The following CRY1 variants were observed in gnomAD, a reference collection of about 807,000 sequenced individuals.
The protein encoded by CRY1 is cryptochrome-1.
CRY1 carries 45 observed loss-of-function variants against 76.0 expected under a neutral mutation model. The ratio of observed to expected loss-of-function variants is 0.59; its 90% confidence interval spans 0.47 to 0.76. The LOEUF is 0.76. CRY1 is among the 30% of genes least tolerant of loss of function. The probability of loss-of-function intolerance (pLI) is 0.00; values close to 1 mark genes in which losing one functional copy is unlikely to be tolerated. For missense variants in CRY1, 587 were observed against 716.4 expected, an observed-to-expected ratio of 0.82 and a Z score of 2.06; for synonymous variants, 248 against 244.0, an observed-to-expected ratio of 1.02 and a Z score of -0.15.
chr12:107,064,630 T>C (rs1953089181), intron 1 of CRY1, among the ~76,000 whole-genome samples: 1 of 148,046 alleles, frequency 6.8e-6, no homozygotes, highest in Admixed American at 6.7e-5. Flanking sequence ...AAATACAGAA[T>C]AACTTAGAAA....
At chr12:107,057,676 G>A (rs1952999406) in intron 1 of CRY1, among the ~76,000 whole-genome samples, 1 of 152,010 alleles carries the variant, frequency 6.6e-6, no homozygotes. Flanking sequence ...GGCCACAGTG[G>A]ACTATCATCA....
At chr12:106,998,657 T>C (rs1952260466) in intron 7 of CRY1, among the ~76,000 whole-genome samples, 1 of 65,058 alleles carries the variant, frequency 1.5e-5, no homozygotes. Flanking sequence ...TATAAGAGAT[T>C]AAACACACAC....
At chr12:107,025,798 A>T (rs1037795700) in intron 1 of CRY1, among the ~76,000 whole-genome samples, 7 of 151,836 alleles carry the variant, frequency 4.6e-5, no homozygotes, top group Non-Finnish European at 1.0e-4. Flanking sequence ...TACAATACAC[A>T]ACAAATCATT....
In CRY1 at chr12:106,997,682, A is replaced by C. The variant is rs746480724; in HGVS notation, c.1298T>G (p.Leu433Trp). 6.2e-7 allele frequency: 1 copy of C among 1,613,842 alleles called. No homozygotes were observed. ...DPNGDYIRRY[L>W]PVLRGFPAKY... ...TGCAGGGAAGCCTCTTAGGACAGGCAAATAACGCCTTTGGGAGAAAAAAGA... is the reference window on the plus strand; with the variant it reads ...TGCAGGGAAGCCTCTTAGGACAGGCCAATAACGCCTTTGGGAGAAAAAAGA... The change falls in exon 9 of 13, where the codon TTG becomes TGG. Residue 433 changes from leucine to tryptophan, a missense_variant. Transcript: ENST00000008527.
At position 106,991,907 on chromosome 12, in the gene CRY1, T is replaced by C. The variant is rs1952184591; in HGVS notation, c.*95A>G. The C allele has an allele frequency of 6.6e-6, 1 of 152,564 alleles. No individual in the cohort carries two copies. The highest frequency in any genetic ancestry group is 1.5e-5 in the Non-Finnish European group (1 of 68,010). 9.5% of individuals were successfully genotyped at this position (152,564 alleles called of 1,614,324 possible). On this transcript the variant is annotated 3_prime_UTR_variant, in exon 13 of 13. Coordinates refer to ENST00000008527, the MANE Select transcript of CRY1 (RefSeq NM_004075.5). Reference sequence around the variant, plus strand: ...ACAACATATTTCAATATGTAACTGCTTTCCATCAATGAAGAATATTTTTAA... The same window carrying C: ...ACAACATATTTCAATATGTAACTGCCTTCCATCAATGAAGAATATTTTTAA...
At chr12:107,081,866 G>T (rs1378484167) in intron 1 of CRY1, among the ~76,000 whole-genome samples, 1 of 151,948 alleles carries the variant, frequency 6.6e-6, no homozygotes, top group Non-Finnish European at 1.5e-5. Flanking sequence ...TTACATATTT[G>T]TCCCCTTCAA....
intron 1 of CRY1, among the ~76,000 whole-genome samples, chr12:107,043,386 A>G (rs1353194086): frequency 1.3e-5 from 2 of 152,130 alleles, no homozygotes; most frequent in Non-Finnish European, 2.9e-5. Context: ...ACAGTACCTA[A>G]GCTGAAGTGG....
At chr12:106,999,102 G>A (rs1012859246) in intron 7 of CRY1, among the ~76,000 whole-genome samples, 15 of 150,336 alleles carry the variant, frequency 1.0e-4, no homozygotes, top group African/African-American at 2.7e-4. Flanking sequence ...ACAAGATGTC[G>A]TCACAAAATG....
chr12:107,027,899 T>C (rs1391270114), intron 1 of CRY1, among the ~76,000 whole-genome samples: 6 of 152,162 alleles, frequency 3.9e-5, no homozygotes, highest in Admixed American at 3.3e-4. Context: ...ATAATCCTAT[T>C]GCTGCTGAAC....
chr12:107,070,763 C>T (rs1457280724), intron 1 of CRY1, among the ~76,000 whole-genome samples: 2 of 151,202 alleles, frequency 1.3e-5, no homozygotes, highest in East Asian at 1.9e-4. Context: ...TGTAGTGGCG[C>T]GACCTTGGCT....
chr12:107,042,063 A>C (rs1348371357), intron 1 of CRY1, among the ~76,000 whole-genome samples: 1 of 152,250 alleles, frequency 6.6e-6, no homozygotes, highest in Non-Finnish European at 1.5e-5. Context: ...AATAAACAGT[A>C]ATAGCAGTAC....
At chr12:107,018,974 C>T (rs2136841334) in intron 2 of CRY1, among the ~76,000 whole-genome samples, 1 of 152,248 alleles carries the variant, frequency 6.6e-6, no homozygotes. Context: ...CACAACTATC[C>T]CAATTAACTA....
chr12:107,028,222 A>G (rs1172567673), intron 1 of CRY1, among the ~76,000 whole-genome samples: 2 of 152,170 alleles, frequency 1.3e-5, no homozygotes, highest in East Asian at 1.9e-4. Context: ...ATATTTTATT[A>G]GAGATTTAAA....
Position 107,092,347 on chromosome 12 carries a change from T to C in CRY1, c.158+457A>G, listed in dbSNP as rs926102879. 2.0e-5 allele frequency among the ~76,000 whole-genome samples: 3 copies of C among 152,074 alleles called. No individual in the cohort carries two copies. In the South Asian group the frequency reaches 6.2e-4, roughly 32 times the overall value. ...TGCTTTTCCCACAGTAACCTCAAGG[T>C]GGAAGAACACTGGATCTGGAGCCTG... On this transcript the variant is annotated intron_variant, in intron 1 of 12. Transcript: ENST00000008527.
chr12:107,049,556 T>A (rs1952892953), intron 1 of CRY1, among the ~76,000 whole-genome samples: 1 of 152,034 alleles, frequency 6.6e-6, no homozygotes, highest in African/African-American at 2.4e-5. Context: ...TGTATTTTTT[T>A]AAGTAGAGTT....
intron 2 of CRY1, among the ~76,000 whole-genome samples, chr12:107,020,807 A>G (rs1380552307): frequency 4.6e-5 from 7 of 152,208 alleles, no homozygotes; most frequent in Non-Finnish European, 1.0e-4. Context: ...GAAGGGATGA[A>G]TACAAAAAGG....
At chr12:107,027,125 A>C (rs1024546827) in intron 1 of CRY1, among the ~76,000 whole-genome samples, 2 of 152,294 alleles carry the variant, frequency 1.3e-5, no homozygotes, top group South Asian at 4.1e-4. Context: ...ATGTTACTTC[A>C]AAACTATACA....
intron 1 of CRY1, among the ~76,000 whole-genome samples, chr12:107,075,157 T>C (rs4616135): frequency 0.14 from 20,967 of 151,980 alleles, 2,583 homozygotes; most frequent in African/African-American, 0.32. Context: ...CTAATTTCAG[T>C]TTGACAAAAA....
intron 1 of CRY1, among the ~76,000 whole-genome samples, chr12:107,035,178 GA>G (rs898889421): frequency 9.9e-5 from 15 of 152,142 alleles, no homozygotes; most frequent in Admixed American, 7.2e-4. Context: ...TAATAATGCT[GA>G]AAAATTATTC....
Sources: gnomAD v4.1 joint callset for allele counts (sites outside exome capture counted in the v4.1 genomes callset) on GRCh38, gnomAD v4.1.1 for gene constraint, MANE v1.5 for transcripts, NCBI Gene and HGNC (gene_info 2026-07-23, HGNC 2026-07-21) for gene names.